RSPH6A: variants seen among roughly 807,000 people sequenced by gnomAD.
RSPH6A encodes the protein radial spoke head protein 6 homolog A.
RSPH6A carries 49 observed loss-of-function variants against 66.1 expected under a neutral mutation model. The ratio of observed to expected loss-of-function variants is 0.74; its 90% CI spans 0.59 to 0.94. RSPH6A has a LOEUF of 0.94. RSPH6A is among the 40% of genes least tolerant of loss of function. RSPH6A has a pLI of 0.00. For synonymous variants in RSPH6A, 419 were observed against 402.4 expected (o/e 1.04, Z -0.49); for missense variants, 977 against 948.3 (o/e 1.03, Z -0.40).
chr19:45,815,062 C>A lies in RSPH6A; in HGVS notation c.115G>T (p.Asp39Tyr). ...GGTATCTGCTGCCTCTCCTCGGGGTCCGCTGCCAGGGCCTGAGCTTGGTCC... is the reference window on the plus strand; with the variant it reads ...GGTATCTGCTGCCTCTCCTCGGGGTACGCTGCCAGGGCCTGAGCTTGGTCC... Reference protein sequence around the residue: ...SRDQAQALAADPEERQQIPPD... With the variant: ...SRDQAQALAAYPEERQQIPPD... The change falls in exon 1 of 6, where the codon GAC becomes TAC. Residue 39 changes from aspartate (D) to tyrosine (Y), a missense_variant. By Grantham distance (160) the Asp-to-Tyr change is radical (BLOSUM62 -3). Coordinates refer to ENST00000221538, the MANE Select transcript of RSPH6A (RefSeq NM_030785.4). The A allele has an allele frequency of 6.2e-7, 1 of 1,613,620 alleles. No individual in the cohort carries two copies. Among genetic ancestry groups the A allele is most frequent in the South Asian group, 1.1e-5 (1 of 91,078 alleles).
chr19:45,798,215 T>G (rs1970429170), intron 5 of RSPH6A, among the ~76,000 whole-genome samples: 2 of 151,628 alleles, frequency 1.3e-5, no homozygotes, highest in African/African-American at 4.9e-5. Flanking sequence ...AAAAATTAGC[T>G]GGGCACGGTA....
intron 4 of RSPH6A, among the ~76,000 whole-genome samples, chr19:45,801,410 A>G (rs1004014754): frequency 2.6e-5 from 4 of 152,104 alleles, no homozygotes; most frequent in Admixed American, 2.0e-4. Flanking sequence ...CTCTCTCTCC[A>G]CTTCCCTCCG....
chr19:45,801,206 C>T (rs960249096), intron 4 of RSPH6A, among the ~76,000 whole-genome samples: 1 of 152,204 alleles, frequency 6.6e-6, no homozygotes, highest in African/African-American at 2.4e-5. Flanking sequence ...TGCAGGGTGG[C>T]AGTGAAGCCT....
intron 5 of RSPH6A, among the ~76,000 whole-genome samples, chr19:45,800,033 C>CA (rs1307400070): frequency 2.0e-5 from 3 of 152,116 alleles, no homozygotes; most frequent in Non-Finnish European, 4.4e-5. Context: ...GCCTGGGTGA[C>CA]AGAGCGAGAC....
intron 2 of RSPH6A, among the ~76,000 whole-genome samples, chr19:45,805,328 C>T (rs1342704648): frequency 2.0e-5 from 3 of 152,010 alleles, no homozygotes; most frequent in Non-Finnish European, 4.4e-5. Flanking sequence ...ACCGGGGAGG[C>T]GGAGGTTGCA....
Position 45,800,561 on chromosome 19 carries a change from T to G in RSPH6A, c.1801A>C (p.Ile601Leu). 6.2e-7 allele frequency: 1 copy of G among 1,610,294 alleles called. No homozygotes were observed. The highest frequency in any genetic ancestry group is 8.5e-7 in the Non-Finnish European group (1 of 1,178,430). ...LLTPLSEDAE[I>L]MHLAPWTTRL... is the part of the protein sequence containing the mutation. ...GTGGTCCAGGGTGCCAGGTGCATGA[T>G]TTCTGTGGTGGAGAGGCAGCAGAGG... Residue 601 changes from isoleucine (I) to leucine (L), a missense_variant and splice_region_variant, in exon 5 of 6, where the codon ATC becomes CTC. Transcript: ENST00000221538.
Position 45,814,691 on chromosome 19 carries a change from C to A in RSPH6A, c.486G>T (p.Gln162His). ...GGTCATCCCTTATGTAAGGCCCGTG[C>A]TGGGCACCTTCAGAGAACTGGTCTG... is the stretch of plus-strand genomic sequence containing the variant. The part of the protein sequence containing the change: ...YQTDQFSEGA[Q>H]HGPYIRDDPA... Residue 162 changes from glutamine to histidine, a missense_variant, in exon 1 of 6, where the codon CAG (glutamine) becomes CAT (histidine). Coordinates refer to ENST00000221538, the MANE Select transcript of RSPH6A (RefSeq NM_030785.4). The A allele has an allele frequency of 6.2e-7, 1 of 1,612,448 alleles. No individual in the cohort carries two copies. Among genetic ancestry groups the A allele is most frequent in the Non-Finnish European group, 8.5e-7 (1 of 1,179,136 alleles).
Position 45,815,281 on chromosome 19 carries a change from G to A in RSPH6A, c.-105C>T, listed in dbSNP as rs897068701. The A allele has an allele frequency of 6.9e-6, 9 of 1,303,432 alleles. No homozygotes were observed. Among genetic ancestry groups the A allele is most frequent in the East Asian group, 2.5e-5 (1 of 39,548 alleles). 80.7% of individuals were successfully genotyped at this position (1,303,432 alleles called of 1,614,324 possible). On this transcript the variant is annotated 5_prime_UTR_variant, in exon 1 of 6. Coordinates refer to ENST00000221538, the MANE Select transcript of RSPH6A (RefSeq NM_030785.4). ...CGGTTTCTGAGCACCGAGAGAGGGGGCCGTTACCCGTGGAGGGCGCGGGGA... is the reference window on the plus strand; with the variant it reads ...CGGTTTCTGAGCACCGAGAGAGGGGACCGTTACCCGTGGAGGGCGCGGGGA...
rs142574841 is a variant in RSPH6A, at chr19:45,804,945, C to A, written c.960G>T (p.Ser320=). ...YFEQAGVGLS[S]DESFRIFLAM... ...CCAGGAAAATGCGGAAGCTCTCGTC[C>A]GAGCTCAGGCCGACGCCGGCCTGCT... is the stretch of plus-strand genomic sequence containing the variant. The change falls in exon 3 of 6, where the codon TCG becomes TCT. Residue 320 remains serine, a synonymous_variant. Transcript: ENST00000221538. This position sits in a 1 kb window ranked among gnomAD's most constrained non-coding sequence, Gnocchi z 5.8. The A allele has an allele frequency of 6.2e-7, 1 of 1,614,144 alleles. No homozygotes were observed. The highest frequency in any genetic ancestry group is 8.5e-7 in the Non-Finnish European group (1 of 1,180,028).
intron 5 of RSPH6A, 27 bp downstream of exon 5, chr19:45,800,419 G>T: frequency 6.3e-7 from 1 of 1,593,840 alleles, no homozygotes; most frequent in Admixed American, 1.7e-5. Context: ...AGATTCTCCT[G>T]CTGGGAGGGG....
At position 45,814,377 on chromosome 19, in the gene RSPH6A, G is replaced by A. The variant is rs1970671590; in HGVS notation, c.650+150C>T. ...CATGTCTGGGAAGTGAATGCTAGCT[G>A]TTGTTGGCATTGATTCCGACTCAGC... On this transcript the variant is annotated intron_variant, in intron 1 of 5. Transcript: ENST00000221538. 3.4e-5 allele frequency: 21 copies of A among 617,152 alleles called. No individual in the cohort carries two copies. In the East Asian group the frequency reaches 6.5e-4, roughly 19 times the overall value. 38.2% of individuals were successfully genotyped at this position (617,152 alleles called of 1,614,324 possible). A position where few individuals can be genotyped will look rare whatever the true frequency, so the allele number is the denominator to read the frequency against.
In RSPH6A at chr19:45,802,267, G is replaced by T. The variant is rs778593684; in HGVS notation, c.1654-3C>A. The T allele has an allele frequency of 7.2e-7, 1 of 1,379,964 alleles. No individual in the cohort carries two copies. The highest frequency in any genetic ancestry group is 9.5e-7 in the Non-Finnish European group (1 of 1,051,358). The allele number at this position is 1,379,964 out of a possible 1,614,324, so 85.5% of individuals were successfully genotyped here. On this transcript the variant is annotated splice_region_variant and splice_polypyrimidine_tract_variant and intron_variant, in intron 3 of 5. Coordinates refer to ENST00000221538, the MANE Select transcript of RSPH6A (RefSeq NM_030785.4). Reference sequence around the variant, plus strand: ...GGGTTCACCCAAGTGCAGCGGCCCTGGGGGTGGGGGGAAGCTCAGGTGATG... The same window carrying T: ...GGGTTCACCCAAGTGCAGCGGCCCTTGGGGTGGGGGGAAGCTCAGGTGATG...
chr19:45,796,310 C>A (rs774604217), intron 5 of RSPH6A, among the ~76,000 whole-genome samples: 1 of 151,888 alleles, frequency 6.6e-6, no homozygotes, highest in South Asian at 2.1e-4. Flanking sequence ...CGCGTCACTA[C>A]GCCCAGCTAA....
chr19:45,796,084 C>T lies in RSPH6A; in HGVS notation c.1939G>A (p.Gly647Ser), dbSNP rs770885407. The T allele has an allele frequency of 2.4e-5, 38 of 1,586,928 alleles. No homozygotes were observed. Among genetic ancestry groups the T allele is most frequent in the Middle Eastern group, 1.7e-4 (1 of 5,942 alleles). Residue 647 changes from glycine (G) to serine (S), a missense_variant, in exon 6 of 6, where the codon GGC becomes AGC. Gly to Ser is a moderately conservative substitution (Grantham distance 56). Transcript: ENST00000221538. ...SGKKFENIYI[G>S]WGHKYSPESF... Reference sequence around the variant, plus strand: ...TCGGGGCTGTACTTGTGACCCCAGCCGATGTAGATGTTCTCAAACTTTCTG... The same window carrying T: ...TCGGGGCTGTACTTGTGACCCCAGCTGATGTAGATGTTCTCAAACTTTCTG...
chr19:45,804,548 G>C lies in RSPH6A; in HGVS notation c.1357C>G (p.Arg453Gly), dbSNP rs778599931. ...HVTPAQIVNARKIKKFFTGYL... is the reference protein window; with the variant it reads ...HVTPAQIVNAGKIKKFFTGYL... ...CCTGTGAAGAACTTCTTGATCTTTC[G>C]GGCGTTCACGATCTGGGCTGGAGTG... Residue 453 changes from arginine to glycine, a missense_variant, in exon 3 of 6, where the codon CGA (arginine) becomes GGA (glycine). Transcript: ENST00000221538. This position sits in a 1 kb window ranked among gnomAD's most constrained non-coding sequence, Gnocchi z 5.8. 4.5e-5 allele frequency: 73 copies of C among 1,614,046 alleles called. No homozygotes were observed. Among genetic ancestry groups the C allele is most frequent in the Non-Finnish European group, 6.0e-5 (71 of 1,180,036 alleles).
At chr19:45,806,972 G>A (rs1204426652) in intron 2 of RSPH6A, among the ~76,000 whole-genome samples, 2 of 151,432 alleles carry the variant, frequency 1.3e-5, no homozygotes, top group Non-Finnish European at 2.9e-5. Context: ...TCAGCTCACT[G>A]CAACCTCCAC....
At chr19:45,801,030 T>A (rs1970467774) in intron 4 of RSPH6A, among the ~76,000 whole-genome samples, 1 of 152,092 alleles carries the variant, frequency 6.6e-6, no homozygotes, top group Non-Finnish European at 1.5e-5. Flanking sequence ...ACTCCTGACC[T>A]CAGGTGATCC....
chr19:45,814,272 C>T (rs1038428905), intron 1 of RSPH6A, among the ~76,000 whole-genome samples: 2 of 152,156 alleles, frequency 1.3e-5, no homozygotes, highest in Admixed American at 6.6e-5. Flanking sequence ...CTCTGTGTCT[C>T]GGTCTCCTCC....
chr19:45,814,308 G>A (rs1970669856), intron 1 of RSPH6A, among the ~76,000 whole-genome samples: 1 of 152,214 alleles, frequency 6.6e-6, no homozygotes, highest in African/African-American at 2.4e-5. Flanking sequence ...GAGCTGATGT[G>A]CTCATCTCCG....
Sources: allele counts gnomAD v4.1 joint callset (sites outside exome capture counted in the v4.1 genomes callset), GRCh38; gene constraint gnomAD v4.1.1; non-coding constraint Gnocchi (gnomAD v3.1); transcripts MANE v1.5; gene names NCBI Gene and HGNC (gene_info 2026-07-23, HGNC 2026-07-21).